DLL4: variants seen among roughly 807,000 people sequenced by gnomAD.
The protein encoded by DLL4 is delta-like protein 4.
DLL4 carries 7 observed loss-of-function variants against 73.6 expected under a neutral mutation model. The observed-to-expected ratio is 0.10, with a 90% CI of 0.05 to 0.18. The LOEUF (loss-of-function observed/expected upper bound fraction) is 0.18. Ranked by LOEUF, DLL4 falls within the 10% of genes least tolerant of loss-of-function variation. The pLI is 1.00. For missense variants in DLL4, 614 were observed against 929.9 expected (o/e 0.66, Z 4.42); for synonymous variants, 345 against 374.3 (o/e 0.92, Z 0.90).
Position 40,936,343 on chromosome 15 carries a change from T to C in DLL4, c.1356T>C (p.Gly452=). 1.2e-6 allele frequency: 2 copies of C among 1,610,470 alleles called. No homozygotes were observed. Among genetic ancestry groups the C allele is most frequent in the Non-Finnish European group, 1.7e-6 (2 of 1,178,688 alleles). ...SDCARNPCAH[G]GTCHDLENGL... is the part of the protein sequence containing the mutation. ...GTGCCCGTAACCCTTGCGCCCACGG[T>C]GGCACTTGCCATGACCTGGAGAATG... The change falls in exon 9 of 11, where the codon GGT becomes GGC. Residue 452 remains glycine, a synonymous_variant. Coordinates refer to ENST00000249749, the MANE Select transcript of DLL4 (RefSeq NM_019074.4).
chr15:40,931,251 C>T, intron 3 of DLL4: 1 of 567,554 alleles, frequency 1.8e-6, no homozygotes, highest in East Asian at 2.9e-5. Context: ...CCTGGGATAT[C>T]TTAACATCCT....
At chr15:40,931,457 T>C (rs750770211) in intron 3 of DLL4, 46 bp from the exon 4 acceptor site, 1 of 1,576,530 alleles carries the variant, frequency 6.3e-7, no homozygotes, top group Non-Finnish European at 8.6e-7. Flanking sequence ...ACTGGCACCC[T>C]TGGGGACTGG....
chr15:40,936,566 TTCCCCTGGGTGGCCGTC>T lies in DLL4; in HGVS notation c.1582_1598del (p.Pro528AlafsTer53), dbSNP rs1892848480. The T allele has an allele frequency of 6.2e-7, 1 of 1,609,652 alleles. No individual in the cohort carries two copies. The highest frequency in any genetic ancestry group is 8.5e-7 in the Non-Finnish European group (1 of 1,178,612). On this transcript the variant is annotated frameshift_variant, in exon 9 of 11. Transcript: ENST00000249749. LOFTEE classifies it high-confidence loss of function. The stretch of plus-strand genomic sequence containing the variant: ...GTTCCCCGTGGGCTTGCCGCCCAGC[TTCCCCTGGGTGGCCGTC>T]TCGCTGGGTGTGGGGCTGGCAGTGC...
Position 40,936,729 on chromosome 15 carries a change from C to G in DLL4, c.1742C>G (p.Pro581Arg), listed in dbSNP as rs1490613893. ...LSDFQKDNLI[P>R]AAQLKNTNQK... The stretch of plus-strand genomic sequence containing the variant: ...GACTTCCAGAAGGACAACCTGATTC[C>G]TGCCGCCCAGCTTAAAAACACAAAC... Residue 581 changes from proline (P) to arginine (R), a missense_variant, in exon 9 of 11, where the codon CCT becomes CGT. This residue lies in a region of DLL4 where 386 missense variants were observed against 541.3 expected (regional missense o/e 0.71). Coordinates refer to ENST00000249749, the MANE Select transcript of DLL4 (RefSeq NM_019074.4). 1 of 1,613,844 alleles carries G rather than the reference C, an allele frequency of 6.2e-7. No individual in the cohort carries two copies. Among genetic ancestry groups the G allele is most frequent in the South Asian group, 1.1e-5 (1 of 91,078 alleles).
rs370793294 is a variant in DLL4, at chr15:40,936,307, C to T, written c.1320C>T (p.His440=). 252 of 1,609,176 alleles carry T rather than the reference C, an allele frequency of 1.6e-4. No individual in the cohort carries two copies. The highest frequency in any genetic ancestry group is 4.1e-4 in the South Asian group (37 of 90,194). ...TCACGGGCACCTACTGTGAACTCCACGTCAGCGACTGTGCCCGTAACCCTT... is the reference window on the plus strand; with the variant it reads ...TCACGGGCACCTACTGTGAACTCCATGTCAGCGACTGTGCCCGTAACCCTT... The part of the protein sequence containing the change: ...PGFTGTYCEL[H]VSDCARNPCA... The change falls in exon 9 of 11, where the codon CAC becomes CAT. Residue 440 remains histidine (H), a synonymous_variant. Coordinates refer to ENST00000249749, the MANE Select transcript of DLL4 (RefSeq NM_019074.4).
chr15:40,932,202 T>C lies in DLL4; in HGVS notation c.690T>C (p.Asn230=), dbSNP rs1892780347. 2 of 1,614,026 alleles carry C rather than the reference T, an allele frequency of 1.2e-6. No individual in the cohort carries two copies. Among genetic ancestry groups the C allele is most frequent in the Non-Finnish European group, 8.5e-7 (1 of 1,179,892 alleles). ...PICLSGCHEQ[N]GYCSKPAECL... Reference sequence around the variant, plus strand: ...GTCTTTCGGGCTGTCATGAACAGAATGGCTACTGCAGCAAGCCAGCAGAGT... The same window carrying C: ...GTCTTTCGGGCTGTCATGAACAGAACGGCTACTGCAGCAAGCCAGCAGAGT... The change falls in exon 5 of 11, where the codon AAT becomes AAC. Residue 230 remains asparagine (N), a synonymous_variant. Transcript: ENST00000249749.
Position 40,931,597 on chromosome 15 carries a change from C to A in DLL4, c.489C>A (p.Thr163=), listed in dbSNP as rs763342333. 1 of 1,613,050 alleles carries A rather than the reference C, an allele frequency of 6.2e-7. No individual in the cohort carries two copies. Among genetic ancestry groups the A allele is most frequent in the Admixed American group, 1.7e-5 (1 of 59,878 alleles). Residue 163 remains threonine, a synonymous_variant, in exon 4 of 11, where the codon ACC becomes ACA. Coordinates refer to ENST00000249749, the MANE Select transcript of DLL4 (RefSeq NM_019074.4). ...QNWLLDEQTS[T]LTRLRYSYRV... is the part of the protein sequence containing the mutation. ...GGTTATTGGATGAGCAAACCAGCAC[C>A]CTCACAAGGCTGCGCTACTCTTACC...
Position 40,938,023 on chromosome 15 carries a change from T to C in DLL4, c.2053-6T>C, listed in dbSNP as rs368918906. On this transcript the variant is annotated splice_region_variant and splice_polypyrimidine_tract_variant and intron_variant, in intron 10 of 10. Transcript: ENST00000249749. ...ACCTGTTTCCCTGCCTTCCGCTTGC[T>C]CCCAGGTATAAGGCAGGAGCCTACC... 1.1e-5 allele frequency: 18 copies of C among 1,599,068 alleles called. No individual in the cohort carries two copies. The African/African-American group carries it at 2.3e-4, about 20-fold the overall frequency.
chr15:40,932,478 G>T (rs745854127), intron 6 of DLL4, 31 bp downstream of exon 6: 1 of 1,612,978 alleles, frequency 6.2e-7, no homozygotes, highest in East Asian at 2.2e-5. Flanking sequence ...GGTGCAGAGG[G>T]TGCAAGAGAT....
chr15:40,931,469 G>C, intron 3 of DLL4, 34 bp from the exon 4 acceptor site: 1 of 1,589,466 alleles, frequency 6.3e-7, no homozygotes, highest in Non-Finnish European at 8.6e-7. Flanking sequence ...GGGGACTGGC[G>C]ACCCTTCCCT....
Position 40,936,507 on chromosome 15 carries a change from A to G in DLL4, c.1520A>G (p.Asn507Ser), listed in dbSNP as rs1892847334. ...TDLSTDTFVC[N>S]CPYGFVGSRC... The stretch of plus-strand genomic sequence containing the variant: ...CTCTCCACAGACACCTTTGTGTGCA[A>G]CTGCCCTTATGGCTTTGTGGGCAGC... The change falls in exon 9 of 11, where the codon AAC becomes AGC. Residue 507 changes from asparagine to serine, a missense_variant. Asn to Ser is a conservative substitution (Grantham distance 46). Coordinates refer to ENST00000249749, the MANE Select transcript of DLL4 (RefSeq NM_019074.4). 2 of 1,611,798 alleles carry G rather than the reference A, an allele frequency of 1.2e-6. No homozygotes were observed. Among genetic ancestry groups the G allele is most frequent in the African/African-American group, 2.7e-5 (2 of 74,918 alleles).
In DLL4 at chr15:40,930,451, C is replaced by T. The variant is rs1277140288; in HGVS notation, c.337-174C>T. On this transcript the variant is annotated intron_variant, in intron 2 of 10. Coordinates refer to ENST00000249749, the MANE Select transcript of DLL4 (RefSeq NM_019074.4). The surrounding 1 kb of genome is among the most constrained non-coding windows in gnomAD (Gnocchi z 5.7). ...CTCAACCCTCCCTCTACCGGGGGTT[C>T]TCCTCTCGCCTTCCCTGCTCAAGCG... 2 of 671,322 alleles carry T rather than the reference C, an allele frequency of 3.0e-6. No individual in the cohort carries two copies. Among genetic ancestry groups the T allele is most frequent in the Non-Finnish European group, 5.3e-6 (2 of 374,612 alleles). 41.6% of individuals were successfully genotyped at this position (671,322 alleles called of 1,614,324 possible).
chr15:40,931,095 C>G (rs1390092165), intron 3 of DLL4: 4 of 369,916 alleles, frequency 1.1e-5, no homozygotes, highest in African/African-American at 2.1e-5. Flanking sequence ...AACCATTACC[C>G]ACCTCTGGAG....
Position 40,934,592 on chromosome 15 carries a change from A to G in DLL4, c.895A>G (p.Thr299Ala), listed in dbSNP as rs1200516571. The change falls in exon 7 of 11, where the codon ACG becomes GCG. Residue 299 changes from threonine to alanine, a missense_variant. Thr to Ala is a moderately conservative substitution (Grantham distance 58). Transcript: ENST00000249749. ...THHSPCKNGA[T>A]CSNSGQRSYT... ...CCACTCCCCATGCAAGAATGGGGCAACGTGCTCCAACAGTGGGCAGCGAAG... is the reference window on the plus strand; with the variant it reads ...CCACTCCCCATGCAAGAATGGGGCAGCGTGCTCCAACAGTGGGCAGCGAAG... 3 of 1,613,908 alleles carry G rather than the reference A, an allele frequency of 1.9e-6. No homozygotes were observed. In the Admixed American group the frequency reaches 5.0e-5, roughly 27 times the overall value.
Position 40,932,184 on chromosome 15 carries a change from G to A in DLL4, c.672G>A (p.Ser224=), listed in dbSNP as rs61757617. ...GEYCQQPICL[S]GCHEQNGYCS... is the part of the protein sequence containing the mutation. ...TTCTTCCCTTAGCTATCTGTCTTTCGGGCTGTCATGAACAGAATGGCTACT... is the reference window on the plus strand; with the variant it reads ...TTCTTCCCTTAGCTATCTGTCTTTCAGGCTGTCATGAACAGAATGGCTACT... The change falls in exon 5 of 11, where the codon TCG becomes TCA. Residue 224 remains serine (S), a synonymous_variant. Transcript: ENST00000249749. 2,443 of 1,613,956 alleles carry A rather than the reference G, an allele frequency of 1.5e-3. 3 individuals carry two copies. The highest frequency in any genetic ancestry group is 1.9e-3 in the Non-Finnish European group (2,223 of 1,179,888).
At position 40,935,319 on chromosome 15, in the gene DLL4, G is replaced by A. The variant is rs137877467; in HGVS notation, c.1240+202G>A. Among the ~76,000 whole-genome samples, 227 of 152,344 alleles carry A rather than the reference G, an allele frequency of 1.5e-3. 1 individual carries two copies. The highest frequency in any genetic ancestry group is 3.6e-3 in the Admixed American group (55 of 15,302). On this transcript the variant is annotated intron_variant, in intron 8 of 10. Coordinates refer to ENST00000249749, the MANE Select transcript of DLL4 (RefSeq NM_019074.4). ...TTGCACGCAGGCCTTAGGAGCAGGG[G>A]TGGTATGCACCCTGCATAGCTTCCA...
chr15:40,930,211 AC>A lies in DLL4; in HGVS notation c.336+100del, dbSNP rs991744386. 48 of 1,402,730 alleles carry A rather than the reference AC, an allele frequency of 3.4e-5. No homozygotes were observed. The highest frequency in any genetic ancestry group is 4.5e-5 in the Non-Finnish European group (47 of 1,040,234). The allele number at this position is 1,402,730 out of a possible 1,614,324, so 86.9% of individuals were successfully genotyped here. On this transcript the variant is annotated intron_variant, in intron 2 of 10. Transcript: ENST00000249749. The surrounding 1 kb of genome is among the most constrained non-coding windows in gnomAD (Gnocchi z 5.7). ...CCTCCCCAGATTTCCTTGTACACAC[AC>A]CCCCACCCCCAAAAAGCCCAGGATG...
rs199931075 is a variant in DLL4, at chr15:40,929,985, G to T, written c.205G>T (p.Val69Phe). Residue 69 changes from valine to phenylalanine, a missense_variant, in exon 2 of 11, where the codon GTC becomes TTC. Physicochemically the swap from Val to Phe is conservative, Grantham distance 50 (BLOSUM62 -1). This residue lies in a region of DLL4 where 227 missense variants were observed against 370.8 expected (regional missense o/e 0.61). Coordinates refer to ENST00000249749, the MANE Select transcript of DLL4 (RefSeq NM_019074.4). The surrounding 1 kb of genome is among the most constrained non-coding windows in gnomAD (Gnocchi z 7.1). ...RVCLKHFQAV[V>F]SPGPCTFGTV... is the part of the protein sequence containing the mutation. Reference sequence around the variant, plus strand: ...CTGCCTTAAGCACTTCCAGGCGGTCGTCTCGCCCGGACCCTGCACCTTCGG... The same window carrying T: ...CTGCCTTAAGCACTTCCAGGCGGTCTTCTCGCCCGGACCCTGCACCTTCGG... 1.7e-4 allele frequency: 268 copies of T among 1,612,934 alleles called. No homozygotes were observed. The highest frequency in any genetic ancestry group is 2.0e-4 in the Non-Finnish European group (232 of 1,179,746).
intron 5 of DLL4, 43 bp downstream of exon 5, chr15:40,932,274 G>A (rs772498334): frequency 1.4e-5 from 22 of 1,613,860 alleles, no homozygotes; most frequent in East Asian, 4.5e-5. Context: ...CCCTCCCTTG[G>A]CCAAGGCCTC....
Sources: gnomAD v4.1 joint callset for allele counts (sites outside exome capture counted in the v4.1 genomes callset) on GRCh38, gnomAD v4.1.1 for gene constraint, gnomAD v4.1.1 regional missense constraint, Gnocchi (gnomAD v3.1) non-coding constraint, MANE v1.5 for transcripts, NCBI Gene and HGNC (gene_info 2026-07-23, HGNC 2026-07-21) for gene names.